Variants in WNT7A observed in about 807,000 individuals in gnomAD.
WNT7A encodes Wnt family member 7A.
In WNT7A, 16 loss-of-function variants were observed where a neutral mutation model predicts 28.2. The observed-to-expected ratio is 0.57, with a 90% CI of 0.38 to 0.86. The LOEUF (loss-of-function observed/expected upper bound fraction) is 0.86. WNT7A is among the 40% of genes least tolerant of loss of function. The probability of loss-of-function intolerance (pLI) is 0.00; values close to 1 mark genes in which losing one functional copy is unlikely to be tolerated. For synonymous variants in WNT7A, 190 were observed against 195.9 expected, an observed-to-expected ratio of 0.97 and a Z score of 0.25; for missense variants, 411 against 489.7, an observed-to-expected ratio of 0.84 and a Z score of 1.52.
At chr3:13,878,509 C>T (rs1341968207) in intron 1 of WNT7A, among the ~76,000 whole-genome samples, 3 of 152,302 alleles carry the variant, frequency 2.0e-5, no homozygotes, top group South Asian at 4.1e-4. Context: ...GCCCCGCAGC[C>T]GCCTCTCCGC....
chr3:13,848,911 C>G (rs2124852579), intron 3 of WNT7A, among the ~76,000 whole-genome samples: 1 of 152,236 alleles, frequency 6.6e-6, no homozygotes, highest in South Asian at 2.1e-4. Context: ...TACTACTCAG[C>G]AAGGTAAAGG....
intron 2 of WNT7A, among the ~76,000 whole-genome samples, chr3:13,856,893 A>AAAAAGAAGAAGAAGAAG (rs1559303190): frequency 5.5e-5 from 4 of 73,360 alleles, no homozygotes; most frequent in Non-Finnish European, 7.7e-5. Context: ...AGAAGAAGAA[A>AAAAAGAAGAAGAAGAAG]AAGAAGAAGA....
chr3:13,820,434 C>G (rs562835351), intron 3 of WNT7A, among the ~76,000 whole-genome samples: 1 of 150,020 alleles, frequency 6.7e-6, no homozygotes, highest in South Asian at 2.1e-4. Flanking sequence ...TGAGGCTAAA[C>G]TAAGTCTCAG....
intron 3 of WNT7A, among the ~76,000 whole-genome samples, chr3:13,837,296 G>A (rs1275513522): frequency 2.0e-5 from 3 of 152,032 alleles, no homozygotes; most frequent in Admixed American, 6.6e-5. Context: ...CCTCAGCTCC[G>A]GCTCAGCAAC....
At chr3:13,819,485 C>T in intron 3 of WNT7A, 62 bp from the exon 4 acceptor site, 1 of 1,566,830 alleles carries the variant, frequency 6.4e-7, no homozygotes, top group Non-Finnish European at 8.6e-7. Flanking sequence ...CAAGTGCAGC[C>T]CCCAGCTCCC....
intron 2 of WNT7A, among the ~76,000 whole-genome samples, chr3:13,865,453 G>A (rs1694896467): frequency 6.6e-6 from 1 of 152,128 alleles, no homozygotes; most frequent in Non-Finnish European, 1.5e-5. Context: ...TGCAGAGATG[G>A]ACAGGATAGC....
intron 2 of WNT7A, among the ~76,000 whole-genome samples, chr3:13,857,470 C>G (rs1011456244): frequency 1.3e-5 from 2 of 152,138 alleles, no homozygotes; most frequent in Non-Finnish European, 2.9e-5. Flanking sequence ...CAGGTCCACA[C>G]CAGCCAGCGC....
chr3:13,818,920 G>T lies in WNT7A; in HGVS notation c.*24C>A. ...TCCTCCCAGCAATCTGACTTGCAGC[G>T]GGAGGGTGGTGTGCACACGGGGCTC... On this transcript the variant is annotated 3_prime_UTR_variant, in exon 4 of 4. Transcript: ENST00000285018. 6.5e-7 allele frequency: 1 copy of T among 1,549,142 alleles called. No individual in the cohort carries two copies.
rs1575056906 is a variant in WNT7A at position 13,818,368 on chromosome 3, A to AAAAAAAAAAAAAAAAAAAAAAAAAAAATT, written c.*575_*576insAATTTTTTTTTTTTTTTTTTTTTTTTTTT. The AAAAAAAAAAAAAAAAAAAAAAAAAAAATT allele has an allele frequency of 6.7e-6, 1 of 150,044 alleles. No individual in the cohort carries two copies. 9.3% of individuals were successfully genotyped at this position (150,044 alleles called of 1,614,324 possible). A position where few individuals can be genotyped will look rare whatever the true frequency, so the allele number is the denominator to read the frequency against. On this transcript the variant is annotated 3_prime_UTR_variant, in exon 4 of 4. Coordinates refer to ENST00000285018, the MANE Select transcript of WNT7A (RefSeq NM_004625.4). ...GCAAACAGCAAAAAAAAAAAAAAAA[A>AAAAAAAAAAAAAAAAAAAAAAAAAAAATT]TGTGTGTGTGTATATCTATATATGC...
chr3:13,865,353 G>A (rs6795744), intron 2 of WNT7A, among the ~76,000 whole-genome samples: 24,058 of 152,116 alleles, frequency 0.16, 2,060 homozygotes, highest in African/African-American at 0.2. Context: ...GTGGAGCCTG[G>A]GAACGGGCAC....
intron 1 of WNT7A, among the ~76,000 whole-genome samples, chr3:13,875,473 T>C (rs1442093642): frequency 1.3e-5 from 2 of 152,178 alleles, no homozygotes; most frequent in Non-Finnish European, 1.5e-5. Context: ...AAAGGCAAGT[T>C]GCCTTTGAGT....
intron 3 of WNT7A, 55 bp downstream of exon 3, chr3:13,854,477 G>A (rs1206116646): frequency 2.5e-6 from 4 of 1,611,768 alleles, no homozygotes; most frequent in Non-Finnish European, 3.4e-6. Context: ...TTACAAACAA[G>A]CCATTTTGCA....
chr3:13,870,221 A>G (rs1415633661), intron 2 of WNT7A, among the ~76,000 whole-genome samples: 1 of 152,216 alleles, frequency 6.6e-6, no homozygotes, highest in African/African-American at 2.4e-5. Flanking sequence ...TTAAAGAAGT[A>G]TTATAATTAA....
chr3:13,855,437 C>A (rs1694714134), intron 2 of WNT7A, among the ~76,000 whole-genome samples: 1 of 152,194 alleles, frequency 6.6e-6, no homozygotes, highest in South Asian at 2.1e-4. Context: ...TGCACCCTAC[C>A]TCTTGTTTTC....
At position 13,836,277 on chromosome 3, in the gene WNT7A, G is replaced by A. The variant is rs561196460; in HGVS notation, c.571-16854C>T. Among the ~76,000 whole-genome samples the A allele has an allele frequency of 4.6e-5, 7 of 151,992 alleles. No individual in the cohort carries two copies. In the East Asian group the frequency reaches 1.4e-3, roughly 29 times the overall value. Reference sequence around the variant, plus strand: ...GGAACTTGGGCCATGGAGCACAGCTGCTCGTGCAATGACAGGGGTGTCGGC... The same window carrying A: ...GGAACTTGGGCCATGGAGCACAGCTACTCGTGCAATGACAGGGGTGTCGGC... On this transcript the variant is annotated intron_variant, in intron 3 of 3. Coordinates refer to ENST00000285018, the MANE Select transcript of WNT7A (RefSeq NM_004625.4).
At chr3:13,824,380 T>G (rs893860338) in intron 3 of WNT7A, among the ~76,000 whole-genome samples, 1 of 152,258 alleles carries the variant, frequency 6.6e-6, no homozygotes, top group African/African-American at 2.4e-5. Flanking sequence ...CTAGCTTCCT[T>G]CACTCAGCAT....
chr3:13,831,533 G>A (rs947962374), intron 3 of WNT7A, among the ~76,000 whole-genome samples: 2 of 152,158 alleles, frequency 1.3e-5, no homozygotes, highest in Admixed American at 1.3e-4. Flanking sequence ...TTGTGTAGTG[G>A]ACACTGTCGC....
rs956486072 is a variant in WNT7A, at chr3:13,817,069, C to T, written c.*1875G>A. The stretch of plus-strand genomic sequence containing the variant: ...CAGACACAGCCTAGATACTGAAGGG[C>T]TCCCAGCAGGTGGGGCCATGGGGCT... On this transcript the variant is annotated 3_prime_UTR_variant, in exon 4 of 4. Coordinates refer to ENST00000285018, the MANE Select transcript of WNT7A (RefSeq NM_004625.4). The T allele has an allele frequency of 6.6e-6, 1 of 152,308 alleles. No individual in the cohort carries two copies. Among genetic ancestry groups the T allele is most frequent in the South Asian group, 2.1e-4 (1 of 4,836 alleles). The allele number at this position is 152,308 out of a possible 1,614,324, so 9.4% of individuals were successfully genotyped here. A position where few individuals can be genotyped will look rare whatever the true frequency, so the allele number is the denominator to read the frequency against.
At chr3:13,824,814 T>A (rs1694167532) in intron 3 of WNT7A, among the ~76,000 whole-genome samples, 2 of 152,188 alleles carry the variant, frequency 1.3e-5, no homozygotes, top group South Asian at 4.1e-4. Context: ...AGGCTTGTGC[T>A]TGTGCAAGAT....
Sources: allele counts gnomAD v4.1 joint callset (sites outside exome capture counted in the v4.1 genomes callset), GRCh38; gene constraint gnomAD v4.1.1; transcripts MANE v1.5; gene names NCBI Gene and HGNC (gene_info 2026-07-23, HGNC 2026-07-21).